Variants in TBC1D22A observed in about 807,000 individuals in gnomAD.
The protein encoded by TBC1D22A is putative GTPase activator.
A neutral mutation model predicts 60.2 loss-of-function variants in TBC1D22A; 38 were observed. That is an observed-to-expected ratio of 0.63 (90% CI 0.49 to 0.83). The LOEUF (loss-of-function observed/expected upper bound fraction) is 0.83. Among genes scored for constraint, TBC1D22A ranks in the 40% least tolerant of loss-of-function variants. The pLI, the probability that TBC1D22A is intolerant of heterozygous loss-of-function variation, is 0.00. For missense variants in TBC1D22A, 628 were observed against 701.0 expected, an observed-to-expected ratio of 0.90 and a Z score of 1.18; for synonymous variants, 302 against 281.7, an observed-to-expected ratio of 1.07 and a Z score of -0.72.
At chr22:46,798,947 G>T (rs913382162) in intron 4 of TBC1D22A, among the ~76,000 whole-genome samples, 2 of 152,238 alleles carry the variant, frequency 1.3e-5, no homozygotes, top group African/African-American at 4.8e-5. Context: ...GTGTTCTCGA[G>T]GCGGGGGAGG....
chr22:46,791,270 C>T (rs2084395224), intron 1 of TBC1D22A, among the ~76,000 whole-genome samples: 1 of 152,236 alleles, frequency 6.6e-6, no homozygotes, highest in Admixed American at 6.5e-5. Flanking sequence ...GATCCGCCCA[C>T]CTCGGCCTCC....
chr22:46,872,104 A>G (rs1247152686), intron 4 of TBC1D22A, among the ~76,000 whole-genome samples: 1 of 152,320 alleles, frequency 6.6e-6, no homozygotes, highest in South Asian at 2.1e-4. Flanking sequence ...ACAAGAAGAA[A>G]TGGAGACCTT....
chr22:47,059,196 C>T (rs953047451), intron 11 of TBC1D22A, among the ~76,000 whole-genome samples: 4 of 152,266 alleles, frequency 2.6e-5, no homozygotes, highest in African/African-American at 7.2e-5. Context: ...CAGGCCATGC[C>T]GTGTGGGCGC....
At chr22:46,781,170 A>T (rs1327027308) in intron 1 of TBC1D22A, among the ~76,000 whole-genome samples, 16 of 132,728 alleles carry the variant, frequency 1.2e-4, no homozygotes, top group African/African-American at 4.6e-4. Context: ...ACAGGGTGTC[A>T]TTCTGTTGCT....
intron 12 of TBC1D22A, among the ~76,000 whole-genome samples, chr22:47,169,173 C>A (rs1330356433): frequency 6.6e-6 from 1 of 152,224 alleles, no homozygotes; most frequent in Non-Finnish European, 1.5e-5. Flanking sequence ...AGAGAGATGC[C>A]TTTGCCTGCA....
intron 8 of TBC1D22A, among the ~76,000 whole-genome samples, chr22:46,953,246 T>C (rs2073014575): frequency 6.6e-6 from 1 of 152,234 alleles, no homozygotes; most frequent in Admixed American, 6.5e-5. Context: ...ATTATATGTT[T>C]TATTGCTCAG....
At chr22:46,935,419 A>T (rs2071588877) in intron 8 of TBC1D22A, among the ~76,000 whole-genome samples, 1 of 152,242 alleles carries the variant, frequency 6.6e-6, no homozygotes, top group South Asian at 2.1e-4. Context: ...GAGTTCGCAC[A>T]GTGAATTCAG....
chr22:46,844,636 G>T (rs2147241172), intron 4 of TBC1D22A, among the ~76,000 whole-genome samples: 1 of 152,334 alleles, frequency 6.6e-6, no homozygotes, highest in East Asian at 1.9e-4. Flanking sequence ...GTGGGGCCGA[G>T]TGATTCCTGG....
intron 4 of TBC1D22A, among the ~76,000 whole-genome samples, chr22:46,809,901 C>T (rs1182969391): frequency 6.6e-6 from 1 of 152,072 alleles, no homozygotes; most frequent in East Asian, 1.9e-4. Flanking sequence ...GTTAATATTA[C>T]ATCATCCTCC....
rs567241888 is a variant in TBC1D22A at position 46,800,602 on chromosome 22, C to G, written c.637+2982C>G. ...GAGCCAGCTTGGTGATGATCCTGCT[C>G]TCAGAGTTCTTGTTTGCGTGATAGA... On this transcript the variant is annotated intron_variant, in intron 4 of 12. Coordinates refer to ENST00000337137, the MANE Select transcript of TBC1D22A (RefSeq NM_014346.5). Among the ~76,000 whole-genome samples the G allele has an allele frequency of 1.6e-4, 25 of 152,304 alleles. No individual in the cohort carries two copies. The East Asian group carries it at 1.7e-3, about 11-fold the overall frequency.
At chr22:46,894,176 C>T (rs934283195) in intron 6 of TBC1D22A, among the ~76,000 whole-genome samples, 3 of 152,154 alleles carry the variant, frequency 2.0e-5, no homozygotes, top group Non-Finnish European at 4.4e-5. Flanking sequence ...GCCTGTGATG[C>T]CAGGCCAAGC....
rs1189605285 is a variant in TBC1D22A at position 46,788,724 on chromosome 22, T to C, written c.63-3796T>C. 2.0e-5 allele frequency among the ~76,000 whole-genome samples: 3 copies of C among 152,250 alleles called. No homozygotes were observed. The South Asian group carries it at 6.2e-4, about 32-fold the overall frequency. The stretch of plus-strand genomic sequence containing the variant: ...TGAAACTGAAACTCACTCTGATGTA[T>C]GCAGAAATAAATGTGATGTTTTCAT... On this transcript the variant is annotated intron_variant, in intron 1 of 12. Coordinates refer to ENST00000337137, the MANE Select transcript of TBC1D22A (RefSeq NM_014346.5).
chr22:46,956,532 G>C (rs1490357662), intron 8 of TBC1D22A, among the ~76,000 whole-genome samples: 1 of 152,228 alleles, frequency 6.6e-6, no homozygotes, highest in Non-Finnish European at 1.5e-5. Flanking sequence ...CGTATAGAGA[G>C]ACTTAGAAGA....
intron 12 of TBC1D22A, among the ~76,000 whole-genome samples, chr22:47,149,209 A>G (rs987668534): frequency 6.6e-6 from 1 of 152,146 alleles, no homozygotes; most frequent in African/African-American, 2.4e-5. Flanking sequence ...TGTCCGTGAC[A>G]TGTCGTGGTT....
intron 8 of TBC1D22A, among the ~76,000 whole-genome samples, chr22:46,947,236 G>T (rs759443797): frequency 3.2e-4 from 48 of 152,164 alleles, no homozygotes; most frequent in Non-Finnish European, 1.5e-4. Flanking sequence ...ACTTTCTGTG[G>T]GTTTTGTTGT....
intron 4 of TBC1D22A, among the ~76,000 whole-genome samples, chr22:46,827,179 C>T (rs999561454): frequency 1.3e-5 from 2 of 152,178 alleles, no homozygotes; most frequent in Non-Finnish European, 2.9e-5. Context: ...TGGGGTCTCC[C>T]GGGTCCCATG....
intron 11 of TBC1D22A, among the ~76,000 whole-genome samples, chr22:47,053,746 G>C (rs2063303489): frequency 6.6e-6 from 1 of 152,362 alleles, no homozygotes. Flanking sequence ...ATTCACTGGC[G>C]TTGGCTGAGC....
At chr22:47,093,412 A>T (rs2065055860) in intron 11 of TBC1D22A, among the ~76,000 whole-genome samples, 1 of 151,948 alleles carries the variant, frequency 6.6e-6, no homozygotes, top group African/African-American at 2.4e-5. Flanking sequence ...TGGTTTAAGG[A>T]TCCTTGCCTC....
chr22:47,029,901 G>A (rs865948020), intron 10 of TBC1D22A, among the ~76,000 whole-genome samples: 8 of 152,198 alleles, frequency 5.3e-5, no homozygotes, highest in Non-Finnish European at 8.8e-5. Context: ...GCTGCTGCTC[G>A]TCCTGGGTCT....
Sources: allele counts gnomAD v4.1 joint callset (sites outside exome capture counted in the v4.1 genomes callset), GRCh38; gene constraint gnomAD v4.1.1; transcripts MANE v1.5; gene names NCBI Gene and HGNC (gene_info 2026-07-23, HGNC 2026-07-21).